Variants in RUNX1 observed in about 807,000 individuals in gnomAD.
RUNX1 encodes RUNX family transcription factor 1.
Under a neutral mutation model 42.8 loss-of-function variants are expected in RUNX1, and 19 were observed. The ratio of observed to expected loss-of-function variants is 0.44; its 90% confidence interval spans 0.31 to 0.65. RUNX1 has a LOEUF of 0.65. Ranked by LOEUF, RUNX1 falls within the 30% of genes least tolerant of loss-of-function variation. The pLI, the probability that RUNX1 is intolerant of heterozygous loss-of-function variation, is 0.07. For missense variants in RUNX1, 528 were observed against 672.0 expected, an observed-to-expected ratio of 0.79 and a Z score of 2.37; for synonymous variants, 271 against 289.4, an observed-to-expected ratio of 0.94 and a Z score of 0.64.
At chr21:34,869,122 A>C (rs904734984) in intron 5 of RUNX1, among the ~76,000 whole-genome samples, 1 of 152,140 alleles carries the variant, frequency 6.6e-6, no homozygotes, top group African/African-American at 2.4e-5. Context: ...CCTGAAAAAC[A>C]GCATCATTCC....
intron 2 of RUNX1, among the ~76,000 whole-genome samples, chr21:34,931,935 A>G (rs2146598945): frequency 6.6e-6 from 1 of 152,268 alleles, no homozygotes; most frequent in East Asian, 1.9e-4. Flanking sequence ...AGTCTTGAGC[A>G]TTATAGCAAT....
At chr21:34,925,969 C>T (rs1159055306) in intron 2 of RUNX1, among the ~76,000 whole-genome samples, 1 of 151,994 alleles carries the variant, frequency 6.6e-6, no homozygotes, top group Non-Finnish European at 1.5e-5. Flanking sequence ...AAAAGCTGTG[C>T]TTCTCTGTCA....
chr21:34,990,256 A>C (rs144738120), intron 2 of RUNX1, among the ~76,000 whole-genome samples: 68 of 152,320 alleles, frequency 4.5e-4, no homozygotes, highest in East Asian at 3.5e-3. Flanking sequence ...ATTCTTTTTA[A>C]AACCAGAATC....
At chr21:34,943,149 A>G (rs2058539901) in intron 2 of RUNX1, among the ~76,000 whole-genome samples, 1 of 152,264 alleles carries the variant, frequency 6.6e-6, no homozygotes, top group African/African-American at 2.4e-5. Flanking sequence ...GAAGGAAACA[A>G]GCACAAATGC....
At chr21:34,846,717 G>C (rs1015173870) in intron 6 of RUNX1, among the ~76,000 whole-genome samples, 2 of 152,076 alleles carry the variant, frequency 1.3e-5, no homozygotes, top group Non-Finnish European at 2.9e-5. Context: ...AGCAGCTCCC[G>C]AGAACAGACC....
At chr21:35,026,813 G>A (rs1377124179) in intron 2 of RUNX1, among the ~76,000 whole-genome samples, 1 of 152,382 alleles carries the variant, frequency 6.6e-6, no homozygotes, top group East Asian at 1.9e-4. Context: ...GGCCCAGACA[G>A]GAAGGGAGGC....
rs115816623 is a variant in RUNX1, at chr21:34,816,467, T to A, written c.806-17005A>T. 6.3e-3 allele frequency among the ~76,000 whole-genome samples: 954 copies of A among 152,066 alleles called. 9 individuals carry two copies. Among genetic ancestry groups the A allele is most frequent in the African/African-American group, 0.022 (902 of 41,466 alleles). ...AGTTTTTACTGTCTTACAGCACAGATGGTGGAAAATCATAGCCATGACAGT... is the reference window on the plus strand; with the variant it reads ...AGTTTTTACTGTCTTACAGCACAGAAGGTGGAAAATCATAGCCATGACAGT... On this transcript the variant is annotated intron_variant, in intron 7 of 8. Transcript: ENST00000675419.
At chr21:35,024,192 G>T (rs954903094) in intron 2 of RUNX1, among the ~76,000 whole-genome samples, 4 of 152,102 alleles carry the variant, frequency 2.6e-5, no homozygotes, top group South Asian at 2.1e-4. Flanking sequence ...GGAAAGAGTA[G>T]ATCTTCCCCT....
intron 2 of RUNX1, among the ~76,000 whole-genome samples, chr21:34,931,364 ATG>A (rs968204763): frequency 6.8e-6 from 1 of 146,798 alleles, no homozygotes; most frequent in Non-Finnish European, 1.5e-5. Context: ...GTGTATATAT[ATG>A]TGTATATATA....
intron 2 of RUNX1, among the ~76,000 whole-genome samples, chr21:34,938,999 T>C (rs2834683): frequency 0.36 from 54,661 of 152,036 alleles, 10,934 homozygotes; most frequent in Admixed American, 0.47. Context: ...CAGCGGCAAA[T>C]TTCTTATTTT....
intron 7 of RUNX1, among the ~76,000 whole-genome samples, chr21:34,804,167 G>A (rs1569012375): frequency 6.6e-6 from 1 of 152,184 alleles, no homozygotes; most frequent in Non-Finnish European, 1.5e-5. Context: ...AACACTTAAT[G>A]GTGATTTTGA....
Position 34,886,888 on chromosome 21 carries a change from C to CAGCA in RUNX1, c.302_305dup (p.Pro103AlafsTer36). ...TCTTGTTGCAGCGCCAGTGCGTAGG[C>CAGCA]AGCACGGAGCAGAGGAAGTTGGGGC... is the stretch of plus-strand genomic sequence containing the variant. On this transcript the variant is annotated frameshift_variant, in exon 4 of 9. Transcript: ENST00000675419. LOFTEE classifies it high-confidence loss of function. The CAGCA allele has an allele frequency of 6.2e-7, 1 of 1,613,668 alleles. No individual in the cohort carries two copies.
intron 2 of RUNX1, among the ~76,000 whole-genome samples, chr21:34,911,798 C>T (rs564101790): frequency 2.6e-4 from 39 of 152,264 alleles, no homozygotes; most frequent in Middle Eastern, 3.4e-3. Context: ...CTCACAGACG[C>T]GCCAAGCTTT....
intron 5 of RUNX1, among the ~76,000 whole-genome samples, chr21:34,877,608 A>G (rs747451185): frequency 6.6e-6 from 1 of 152,194 alleles, no homozygotes; most frequent in African/African-American, 2.4e-5. Context: ...GGAAGAAAAG[A>G]GAGAAGGTTC....
intron 4 of RUNX1, among the ~76,000 whole-genome samples, chr21:34,885,163 T>TC (rs1374583413): frequency 2.6e-5 from 4 of 151,814 alleles, no homozygotes; most frequent in Non-Finnish European, 5.9e-5. Flanking sequence ...GACCCTGATT[T>TC]CCCCCCCAAA....
At chr21:34,828,138 G>A (rs1047726541) in intron 7 of RUNX1, among the ~76,000 whole-genome samples, 2 of 152,234 alleles carry the variant, frequency 1.3e-5, no homozygotes, top group African/African-American at 2.4e-5. Context: ...AACTGTAGGG[G>A]CAGGGCTGCC....
At chr21:34,844,892 G>T (rs1051276863) in intron 6 of RUNX1, among the ~76,000 whole-genome samples, 2 of 152,204 alleles carry the variant, frequency 1.3e-5, no homozygotes, top group African/African-American at 4.8e-5. Flanking sequence ...GAAGGACAGG[G>T]TACCCTGGCC....
intron 2 of RUNX1, among the ~76,000 whole-genome samples, chr21:34,911,134 C>T (rs890696130): frequency 2.6e-5 from 4 of 152,138 alleles, no homozygotes; most frequent in African/African-American, 4.8e-5. Flanking sequence ...GGGGGCAGGA[C>T]GAGCTATCCC....
At chr21:34,983,659 G>A (rs1274739278) in intron 2 of RUNX1, among the ~76,000 whole-genome samples, 1 of 152,198 alleles carries the variant, frequency 6.6e-6, no homozygotes, top group Non-Finnish European at 1.5e-5. Context: ...ACTACACACA[G>A]TCTGCCATAA....
Sources: allele counts gnomAD v4.1 joint callset (sites outside exome capture counted in the v4.1 genomes callset), GRCh38; gene constraint gnomAD v4.1.1; transcripts MANE v1.5; gene names NCBI Gene and HGNC (gene_info 2026-07-23, HGNC 2026-07-21).